SLC4A4: variants seen among roughly 807,000 people sequenced by gnomAD.
SLC4A4 encodes the protein solute carrier family 4 member 4.
SLC4A4 carries 27 observed loss-of-function variants against 111.5 expected under a neutral mutation model. The observed-to-expected ratio is 0.24, with a 90% CI of 0.18 to 0.33. The LOEUF (loss-of-function observed/expected upper bound fraction) is 0.33. Among genes scored for constraint, SLC4A4 ranks in the 10% least tolerant of loss-of-function variants. The probability of loss-of-function intolerance (pLI) is 1.00; values close to 1 mark genes in which losing one functional copy is unlikely to be tolerated. For synonymous variants in SLC4A4, 443 were observed against 463.4 expected (o/e 0.96, Z 0.57); for missense variants, 909 against 1,315.5 (o/e 0.69, Z 4.78).
At chr4:71,557,568 T>G (rs1736583131) in intron 21 of SLC4A4, 144 bp from the exon 22 acceptor site, 7 of 764,866 alleles carry the variant, frequency 9.2e-6, no homozygotes, top group African/African-American at 1.7e-5. Context: ...TGACTAAATT[T>G]CTGCATTCCT....
intron 6 of SLC4A4, among the ~76,000 whole-genome samples, chr4:71,375,727 C>T (rs955048531): frequency 1.3e-5 from 2 of 152,070 alleles, no homozygotes; most frequent in Non-Finnish European, 2.9e-5. Flanking sequence ...AAACTGTGGC[C>T]TATGTACAAA....
At chr4:71,075,345 T>C (rs1044685845) in intron 1 of SLC4A4, among the ~76,000 whole-genome samples, 1 of 152,208 alleles carries the variant, frequency 6.6e-6, no homozygotes, top group Non-Finnish European at 1.5e-5. Flanking sequence ...CAGATGGACA[T>C]AAGGGACTGT....
At chr4:71,352,665 C>A (rs752056247) in intron 5 of SLC4A4, among the ~76,000 whole-genome samples, 4 of 152,130 alleles carry the variant, frequency 2.6e-5, no homozygotes, top group African/African-American at 9.7e-5. Flanking sequence ...GAAGGTGGAC[C>A]TTTCAGGGTT....
intron 3 of SLC4A4, among the ~76,000 whole-genome samples, chr4:71,335,402 T>C (rs960575415): frequency 1.8e-4 from 27 of 152,224 alleles, no homozygotes; most frequent in African/African-American, 6.0e-4. Flanking sequence ...ATTCTGCCTG[T>C]CATTTCTTCA....
intron 1 of SLC4A4, among the ~76,000 whole-genome samples, chr4:71,193,605 G>C (rs1274721893): frequency 6.6e-6 from 1 of 152,144 alleles, no homozygotes; most frequent in Non-Finnish European, 1.5e-5. Flanking sequence ...TACAAAAGGG[G>C]TTTTGTATGT....
At chr4:71,294,312 G>A (rs1724608376) in intron 3 of SLC4A4, among the ~76,000 whole-genome samples, 1 of 152,172 alleles carries the variant, frequency 6.6e-6, no homozygotes, top group African/African-American at 2.4e-5. Context: ...TCTGCAGAAT[G>A]GCCTGTTCAT....
intron 14 of SLC4A4, among the ~76,000 whole-genome samples, chr4:71,476,789 T>C (rs1359925154): frequency 6.6e-6 from 1 of 151,730 alleles, no homozygotes; most frequent in Non-Finnish European, 1.5e-5. Flanking sequence ...GGAAGCTTAG[T>C]TGCAAGTGCT....
At chr4:71,188,070 A>G (rs993743182) in intron 1 of SLC4A4, among the ~76,000 whole-genome samples, 3 of 152,228 alleles carry the variant, frequency 2.0e-5, no homozygotes, top group African/African-American at 7.2e-5. Flanking sequence ...ACTGGGCAGC[A>G]TGTGAGTCTT....
At chr4:71,226,915 T>C (rs999705613) in intron 1 of SLC4A4, among the ~76,000 whole-genome samples, 1 of 152,014 alleles carries the variant, frequency 6.6e-6, no homozygotes, top group Non-Finnish European at 1.5e-5. Context: ...AGACTATGTG[T>C]AGTGACTATG....
intron 2 of SLC4A4, among the ~76,000 whole-genome samples, chr4:71,112,894 A>C (rs1369057434): frequency 6.6e-6 from 1 of 152,214 alleles, no homozygotes; most frequent in Non-Finnish European, 1.5e-5. Context: ...GATTTTGTTG[A>C]GATGACAGGT....
intron 3 of SLC4A4, among the ~76,000 whole-genome samples, chr4:71,269,155 A>G (rs1722515519): frequency 6.6e-6 from 1 of 152,196 alleles, no homozygotes; most frequent in Non-Finnish European, 1.5e-5. Flanking sequence ...AAAAATGAGG[A>G]GCCTTTGATA....
At chr4:71,110,216 T>G (rs1430695589) in intron 2 of SLC4A4, among the ~76,000 whole-genome samples, 2 of 152,104 alleles carry the variant, frequency 1.3e-5, no homozygotes, top group African/African-American at 2.4e-5. Flanking sequence ...TTTTTATTAT[T>G]TATTTATTTA....
At chr4:71,466,398 GA>G (rs757064322) in intron 12 of SLC4A4, 45 bp from the exon 13 acceptor site, 1 of 1,610,840 alleles carries the variant, frequency 6.2e-7, no homozygotes, top group Non-Finnish European at 8.5e-7. Context: ...CAAATGAGAA[GA>G]AAAAAGATGT....
chr4:71,494,372 G>A (rs573388473), intron 15 of SLC4A4, among the ~76,000 whole-genome samples: 8 of 151,970 alleles, frequency 5.3e-5, no homozygotes, highest in South Asian at 4.1e-4. Context: ...GGCATATAGC[G>A]GCACAATCAT....
intron 3 of SLC4A4, among the ~76,000 whole-genome samples, chr4:71,282,152 A>G (rs1723568953): frequency 6.6e-6 from 1 of 152,184 alleles, no homozygotes; most frequent in Non-Finnish European, 1.5e-5. Flanking sequence ...GTTCTTAGGA[A>G]AGAAAAAGTA....
In SLC4A4 at chr4:71,342,150, A is replaced by G. The variant is rs73826252; in HGVS notation, c.389+2645A>G. 7.9e-3 allele frequency among the ~76,000 whole-genome samples: 1,201 copies of G among 152,248 alleles called. 17 individuals are homozygous for G. Among genetic ancestry groups the G allele is most frequent in the African/African-American group, 0.026 (1,063 of 41,546 alleles). On this transcript the variant is annotated intron_variant, in intron 4 of 25. Coordinates refer to ENST00000264485, the MANE Select transcript of SLC4A4 (RefSeq NM_001098484.3). ...GTAATACTTTCTTTTGAAGCTTTTCATTCTTTGCTCTTTTGGGGCTTCCTC... is the reference window on the plus strand; with the variant it reads ...GTAATACTTTCTTTTGAAGCTTTTCGTTCTTTGCTCTTTTGGGGCTTCCTC...
intron 16 of SLC4A4, among the ~76,000 whole-genome samples, chr4:71,516,010 T>C (rs1732343367): frequency 6.6e-6 from 1 of 151,288 alleles, no homozygotes. Flanking sequence ...ATATTACTAA[T>C]AGTTTTCTGT....
chr4:71,067,305 A>T (rs72858420), intron 1 of SLC4A4, among the ~76,000 whole-genome samples: 3,067 of 152,246 alleles, frequency 0.02, 108 homozygotes, highest in African/African-American at 0.068. Flanking sequence ...GCTTTGAAAG[A>T]TTATAGTTTC....
intron 1 of SLC4A4, among the ~76,000 whole-genome samples, chr4:71,071,991 A>AT (rs1283458373): frequency 6.6e-6 from 1 of 152,186 alleles, no homozygotes; most frequent in African/African-American, 2.4e-5. Flanking sequence ...GCTGGCACCA[A>AT]TTTTTACTTC....
Sources: gnomAD v4.1 joint callset for allele counts (sites outside exome capture counted in the v4.1 genomes callset) on GRCh38, gnomAD v4.1.1 for gene constraint, MANE v1.5 for transcripts, NCBI Gene and HGNC (gene_info 2026-07-23, HGNC 2026-07-21) for gene names.